Variants in DHRS2 observed in about 807,000 individuals in gnomAD.
DHRS2 encodes the protein dehydrogenase/reductase 2.
A neutral mutation model predicts 26.3 loss-of-function variants in DHRS2; 29 were observed. That is an observed-to-expected ratio of 1.10 (90% CI 0.82 to 1.50). The LOEUF (loss-of-function observed/expected upper bound fraction) is 1.50. Among genes scored for constraint, DHRS2 ranks in the 40% most tolerant of loss-of-function variants. The probability of loss-of-function intolerance (pLI) is 0.00; values close to 1 mark genes in which losing one functional copy is unlikely to be tolerated. For synonymous variants in DHRS2, 164 were observed against 151.3 expected (o/e 1.08, Z -0.62); for missense variants, 439 against 367.1 (o/e 1.20, Z -1.60).
At chr14:23,637,295 C>CT (rs1399199049) in intron 1 of DHRS2, among the ~76,000 whole-genome samples, 1 of 152,194 alleles carries the variant, frequency 6.6e-6, no homozygotes, top group Admixed American at 6.5e-5. Context: ...TTTCAGGACT[C>CT]TGTTACCTTC....
Position 23,645,363 on chromosome 14 carries a change from A to C in DHRS2, c.*110A>C, listed in dbSNP as rs1594251282. 3.1e-6 allele frequency: 5 copies of C among 1,592,266 alleles called. No individual in the cohort carries two copies. In the East Asian group the frequency reaches 1.1e-4, roughly 36 times the overall value. ...GAGTCTGCCATTCTGCCAGACTAGC[A>C]ATTTGGGGGCTTACTCATGCTAGGC... On this transcript the variant is annotated 3_prime_UTR_variant, in exon 9 of 9. Coordinates refer to ENST00000250383, the MANE Select transcript of DHRS2 (RefSeq NM_005794.4).
Position 23,639,798 on chromosome 14 carries a change from T to C in DHRS2, c.323T>C (p.Leu108Pro). The part of the protein sequence containing the change: ...EDREQLVAKA[L>P]EHCGGVDFLV... ...CATCCAATCTCCTCTCCGCAGGCCC[T>C]GGAGCACTGTGGGGGCGTCGACTTC... The change falls in exon 4 of 9, where the codon CTG (leucine) becomes CCG (proline). Residue 108 changes from leucine (L) to proline (P), a missense_variant. Coordinates refer to ENST00000250383, the MANE Select transcript of DHRS2 (RefSeq NM_005794.4). 6.2e-7 allele frequency: 1 copy of C among 1,607,438 alleles called. No individual in the cohort carries two copies. The highest frequency in any genetic ancestry group is 1.1e-5 in the South Asian group (1 of 90,210).
At chr14:23,636,865 A>C (rs1890324942) in intron 1 of DHRS2, 93 bp downstream of exon 1, 1 of 152,216 alleles carries the variant, frequency 6.6e-6, no homozygotes, top group Non-Finnish European at 1.5e-5. Context: ...GGCCAGTTAA[A>C]AGTGACTAGC....
Position 23,645,214 on chromosome 14 carries a change from G to A in DHRS2, c.804G>A (p.Gly268=). ...LCSPDASYVN[G]ENIAVAGYST... is the part of the protein sequence containing the mutation. ...CTCCAGATGCCAGCTACGTCAACGG[G>A]GAGAACATTGCGGTGGCAGGCTACT... Residue 268 remains glycine (G), a synonymous_variant, in exon 9 of 9, where the codon GGG becomes GGA. Transcript: ENST00000250383. The A allele has an allele frequency of 6.2e-7, 1 of 1,614,182 alleles. No homozygotes were observed. The highest frequency in any genetic ancestry group is 8.5e-7 in the Non-Finnish European group (1 of 1,180,042).
upstream of DHRS2, among the ~76,000 whole-genome samples, chr14:23,634,094 G>A (rs1890199281): frequency 8.3e-6 from 1 of 120,712 alleles, no homozygotes; most frequent in African/African-American, 3.1e-5. Context: ...TTGAGACGGA[G>A]TCTCCCTCTG....
intron 1 of DHRS2, among the ~76,000 whole-genome samples, chr14:23,637,509 C>G (rs868006979): frequency 1.3e-5 from 2 of 152,284 alleles, no homozygotes; most frequent in Middle Eastern, 3.4e-3. Context: ...CTTTTCCAAC[C>G]CTGGAGACCC....
At chr14:23,642,273 C>T (rs2138388707) in intron 4 of DHRS2, 2 of 534,194 alleles carry the variant, frequency 3.7e-6, no homozygotes, top group South Asian at 7.9e-5. Context: ...AATGCTCAGT[C>T]CTTATCACAT....
In DHRS2 at chr14:23,643,336, C is replaced by T. The variant is rs1890745455; in HGVS notation, c.488+117C>T. ...GGACAGAAGAGGTCTGGGATCTCCA[C>T]ATCCCTCATCTTCTTGTCCTGCCTC... On this transcript the variant is annotated intron_variant, in intron 5 of 8. Coordinates refer to ENST00000250383, the MANE Select transcript of DHRS2 (RefSeq NM_005794.4). 11 of 887,518 alleles carry T rather than the reference C, an allele frequency of 1.2e-5. No homozygotes were observed. In the South Asian group the frequency reaches 1.7e-4, roughly 13 times the overall value. 55.0% of individuals were successfully genotyped at this position (887,518 alleles called of 1,614,324 possible).
rs765886823 is a variant in DHRS2 at position 23,639,789 on chromosome 14, C to T, written c.319-5C>T. 8.1e-5 allele frequency: 129 copies of T among 1,602,164 alleles called. No individual in the cohort carries two copies. Among genetic ancestry groups the T allele is most frequent in the East Asian group, 5.0e-4 (22 of 44,066 alleles). On this transcript the variant is annotated splice_polypyrimidine_tract_variant and splice_region_variant and intron_variant, in intron 3 of 8. Coordinates refer to ENST00000250383, the MANE Select transcript of DHRS2 (RefSeq NM_005794.4). ...CTCCACACTCATCCAATCTCCTCTCCGCAGGCCCTGGAGCACTGTGGGGGC... is the reference window on the plus strand; with the variant it reads ...CTCCACACTCATCCAATCTCCTCTCTGCAGGCCCTGGAGCACTGTGGGGGC...
chr14:23,640,240 A>G, intron 4 of DHRS2: 2 of 999,392 alleles, frequency 2.0e-6, no homozygotes, highest in Non-Finnish European at 1.2e-6. Flanking sequence ...TCTCTGTAAG[A>G]GTCAAACATT....
intron 1 of DHRS2, chr14:23,638,529 C>G (rs1054149876): frequency 3.7e-6 from 1 of 266,980 alleles, no homozygotes; most frequent in African/African-American, 2.3e-5. Context: ...CTGCCCAGTG[C>G]TTGACACATT....
chr14:23,644,738 G>C (rs555747768), intron 7 of DHRS2, 89 bp from the exon 8 acceptor site: 1 of 1,523,772 alleles, frequency 6.6e-7, no homozygotes, highest in East Asian at 2.3e-5. Context: ...GGGCAAAGCT[G>C]CCCTAGGTGT....
At position 23,638,892 on chromosome 14, in the gene DHRS2, C is replaced by G; in HGVS notation, c.28C>G (p.Gln10Glu). MLSAVARGY[Q>E]GWFHPCARLS... ...GCTGTCAGCAGTTGCCCGGGGCTAC[C>G]AGGGCTGGTTTCATCCCTGTGCTAG... is the stretch of plus-strand genomic sequence containing the variant. The change falls in exon 2 of 9, where the codon CAG (glutamine) becomes GAG (glutamate). Residue 10 changes from glutamine to glutamate, a missense_variant. By Grantham distance (29) the Gln-to-Glu change is conservative. Coordinates refer to ENST00000250383, the MANE Select transcript of DHRS2 (RefSeq NM_005794.4). 2 of 1,614,118 alleles carry G rather than the reference C, an allele frequency of 1.2e-6. No homozygotes were observed. The highest frequency in any genetic ancestry group is 1.7e-6 in the Non-Finnish European group (2 of 1,179,992).
In DHRS2 at chr14:23,643,142, C is replaced by G; in HGVS notation, c.421-10C>G. The G allele has an allele frequency of 6.2e-7, 1 of 1,613,948 alleles. No individual in the cohort carries two copies. Among genetic ancestry groups the G allele is most frequent in the Non-Finnish European group, 8.5e-7 (1 of 1,179,964 alleles). ...TCTCTGCCCTCACCCATGCTCTGCTCTGATTTCAGATCCTAAGTGTGAACG... is the reference window on the plus strand; with the variant it reads ...TCTCTGCCCTCACCCATGCTCTGCTGTGATTTCAGATCCTAAGTGTGAACG... On this transcript the variant is annotated splice_polypyrimidine_tract_variant and intron_variant, in intron 4 of 8. Coordinates refer to ENST00000250383, the MANE Select transcript of DHRS2 (RefSeq NM_005794.4).
In DHRS2 at chr14:23,644,494, G is replaced by A. The variant is rs780019040; in HGVS notation, c.626G>A (p.Arg209Gln). The change falls in exon 7 of 9, where the codon CGG (arginine) becomes CAG (glutamine). Residue 209 changes from arginine to glutamine, a missense_variant. Physicochemically the swap from Arg to Gln is conservative, Grantham distance 43. Coordinates refer to ENST00000250383, the MANE Select transcript of DHRS2 (RefSeq NM_005794.4). ...LALELAPKDI[R>Q]VNCVVPGIIK... ...TTGGAGCTGGCCCCCAAGGACATCC[G>A]GGTAAACTGCGTGGTTCCAGGAATT... 3.7e-5 allele frequency: 59 copies of A among 1,614,186 alleles called. No individual in the cohort carries two copies. Among genetic ancestry groups the A allele is most frequent in the East Asian group, 6.7e-5 (3 of 44,886 alleles).
chr14:23,644,904 G>T, intron 8 of DHRS2, 22 bp downstream of exon 8: 1 of 1,613,628 alleles, frequency 6.2e-7, no homozygotes. Flanking sequence ...TTGGAGATTT[G>T]GTGGTCCATG....
upstream of DHRS2, among the ~76,000 whole-genome samples, chr14:23,634,436 T>C (rs764216307): frequency 6.6e-6 from 1 of 152,090 alleles, no homozygotes; most frequent in Non-Finnish European, 1.5e-5. Context: ...CTCCTCACTT[T>C]TGTGGTGATC....
In DHRS2 at chr14:23,639,368, G is replaced by T; in HGVS notation, c.318+12G>T. Reference sequence around the variant, plus strand: ...AGCTGGTGGCCAAGGTGAGGGGGCAGGCGGTGGAAGGACACAGAGAGGGGA... The same window carrying T: ...AGCTGGTGGCCAAGGTGAGGGGGCATGCGGTGGAAGGACACAGAGAGGGGA... On this transcript the variant is annotated intron_variant, in intron 3 of 8. Transcript: ENST00000250383. 6.4e-7 allele frequency: 1 copy of T among 1,554,774 alleles called. No individual in the cohort carries two copies. Among genetic ancestry groups the T allele is most frequent in the Non-Finnish European group, 8.7e-7 (1 of 1,153,242 alleles).
chr14:23,634,966 G>A (rs985055975), upstream of DHRS2, among the ~76,000 whole-genome samples: 9 of 152,118 alleles, frequency 5.9e-5, no homozygotes, highest in Non-Finnish European at 1.0e-4. Context: ...TGCCTTAATT[G>A]TAAGTTTCCT....
Sources: allele counts gnomAD v4.1 joint callset (sites outside exome capture counted in the v4.1 genomes callset), GRCh38; gene constraint gnomAD v4.1.1; transcripts MANE v1.5; gene names NCBI Gene and HGNC (gene_info 2026-07-23, HGNC 2026-07-21).